IFT57: variants seen among roughly 807,000 people sequenced by gnomAD.
IFT57 encodes intraflagellar transport 57.
A neutral mutation model predicts 56.8 loss-of-function variants in IFT57; 59 were observed. The observed-to-expected ratio is 1.04, with a 90% CI of 0.84 to 1.29. IFT57 has a LOEUF of 1.29. Among genes scored for constraint, IFT57 ranks in the 50% most tolerant of loss-of-function variants. The pLI, the probability that IFT57 is intolerant of heterozygous loss-of-function variation, is 0.00. For synonymous variants in IFT57, 209 were observed against 186.1 expected (o/e 1.12, Z -1.00); for missense variants, 470 against 522.1 (o/e 0.90, Z 0.97).
intron 5 of IFT57, among the ~76,000 whole-genome samples, chr3:108,192,571 T>A (rs57162358): frequency 6.6e-6 from 1 of 152,136 alleles, no homozygotes; most frequent in South Asian, 2.1e-4. Flanking sequence ...AGATAAAATC[T>A]AAGGCAGTAA....
chr3:108,173,369 C>T (rs1488908350), intron 6 of IFT57, among the ~76,000 whole-genome samples: 1 of 151,738 alleles, frequency 6.6e-6, no homozygotes, highest in Non-Finnish European at 1.5e-5. Flanking sequence ...TGGTCTAGTT[C>T]TCAAGTTGGG....
At chr3:108,218,719 G>A in intron 2 of IFT57, 66 bp from the exon 3 acceptor site, 1 of 694,492 alleles carries the variant, frequency 1.4e-6, no homozygotes, top group Non-Finnish European at 2.4e-6. Context: ...AATATTTTAA[G>A]CAAAGAACTG....
chr3:108,192,520 T>C (rs1325122505), intron 5 of IFT57, among the ~76,000 whole-genome samples: 1 of 152,088 alleles, frequency 6.6e-6, no homozygotes. Context: ...ATTAAGTATG[T>C]ATGGATCTGA....
chr3:108,214,998 T>G (rs917254085), intron 3 of IFT57, among the ~76,000 whole-genome samples: 1 of 152,168 alleles, frequency 6.6e-6, no homozygotes, highest in Admixed American at 6.5e-5. Flanking sequence ...TTTTAATACT[T>G]CTATAGTTTT....
intron 6 of IFT57, among the ~76,000 whole-genome samples, chr3:108,184,345 T>C (rs1194078363): frequency 1.3e-5 from 2 of 152,116 alleles, no homozygotes; most frequent in Admixed American, 1.3e-4. Context: ...TATGCGGATT[T>C]TTTTCAATAA....
intron 3 of IFT57, 81 bp from the exon 4 acceptor site, chr3:108,214,102 T>A: frequency 1.3e-6 from 1 of 753,144 alleles, no homozygotes; most frequent in Non-Finnish European, 2.2e-6. Context: ...TATCATGTCC[T>A]CTATGCCAGG....
At chr3:108,215,046 A>G (rs2080363626) in intron 3 of IFT57, among the ~76,000 whole-genome samples, 1 of 152,144 alleles carries the variant, frequency 6.6e-6, no homozygotes, top group Non-Finnish European at 1.5e-5. Context: ...TCTGAAGTTT[A>G]TTTTAACATA....
intron 3 of IFT57, among the ~76,000 whole-genome samples, chr3:108,215,387 C>T (rs1002658033): frequency 6.6e-6 from 1 of 151,842 alleles, no homozygotes; most frequent in African/African-American, 2.4e-5. Flanking sequence ...CATGGTGAAA[C>T]CCTGTCTTGA....
chr3:108,178,661 G>A (rs891419664), intron 6 of IFT57, among the ~76,000 whole-genome samples: 7 of 151,692 alleles, frequency 4.6e-5, no homozygotes, highest in South Asian at 2.1e-4. Context: ...TAAGTCAACC[G>A]GGAAATGCAA....
chr3:108,214,486 G>C (rs372551218), intron 3 of IFT57, among the ~76,000 whole-genome samples: 14 of 152,166 alleles, frequency 9.2e-5, no homozygotes, highest in African/African-American at 2.9e-4. Flanking sequence ...TGAAATGGCA[G>C]GGTAAACAAC....
At chr3:108,169,347 T>A (rs1175187225) in intron 6 of IFT57, among the ~76,000 whole-genome samples, 1 of 151,914 alleles carries the variant, frequency 6.6e-6, no homozygotes, top group Admixed American at 6.6e-5. Context: ...TTTTTTTTTC[T>A]TGTAATTTGT....
rs184240991 is a variant in IFT57 at position 108,216,852 on chromosome 3, A to T, written c.494+1683T>A. Among the ~76,000 whole-genome samples the T allele has an allele frequency of 3.3e-5, 5 of 152,220 alleles. No homozygotes were observed. In the South Asian group the frequency reaches 1.0e-3, roughly 31 times the overall value. Reference sequence around the variant, plus strand: ...TATAAGCATGGAGGACACTATGTCAAGTGAAATAAGCCAGGCACAGAAAGA... The same window carrying T: ...TATAAGCATGGAGGACACTATGTCATGTGAAATAAGCCAGGCACAGAAAGA... On this transcript the variant is annotated intron_variant, in intron 3 of 10. Transcript: ENST00000264538.
At chr3:108,194,043 C>G (rs376499176) in intron 5 of IFT57, among the ~76,000 whole-genome samples, 1 of 152,270 alleles carries the variant, frequency 6.6e-6, no homozygotes, top group East Asian at 1.9e-4. Flanking sequence ...TATGGGCAAT[C>G]CCAATCCTGC....
chr3:108,192,442 T>C (rs1023636145), intron 5 of IFT57, among the ~76,000 whole-genome samples: 6 of 152,106 alleles, frequency 3.9e-5, no homozygotes, highest in African/African-American at 1.4e-4. Flanking sequence ...AAATCAATCA[T>C]GATTGTTTCT....
intron 7 of IFT57, 68 bp from the exon 8 acceptor site, chr3:108,167,053 G>A: frequency 7.1e-7 from 1 of 1,405,346 alleles, no homozygotes; most frequent in Admixed American, 2.0e-5. Context: ...TATTAAAAAT[G>A]GGTTACATCT....
In IFT57 at chr3:108,161,340, G is replaced by T. The variant is rs755061253; in HGVS notation, c.*1137C>A. 6.6e-6 allele frequency: 1 copy of T among 151,746 alleles called. No individual in the cohort carries two copies. The highest frequency in any genetic ancestry group is 2.4e-5 in the African/African-American group (1 of 41,304). The allele number at this position is 151,746 out of a possible 1,614,324, so 9.4% of individuals were successfully genotyped here. ...TAAACTTATCTTAAACTAAAGAGAG[G>T]TCTAGTAAGGAAAGGGAAAGATCTG... is the stretch of plus-strand genomic sequence containing the variant. On this transcript the variant is annotated 3_prime_UTR_variant, in exon 11 of 11. Transcript: ENST00000264538.
chr3:108,187,954 T>A (rs972851543), intron 6 of IFT57, among the ~76,000 whole-genome samples: 6 of 152,028 alleles, frequency 3.9e-5, no homozygotes, highest in Admixed American at 1.3e-4. Context: ...TTTTTTTTTT[T>A]ATACTTTAAG....
intron 6 of IFT57, among the ~76,000 whole-genome samples, chr3:108,189,254 A>G (rs146527831): frequency 5.3e-5 from 8 of 152,298 alleles, no homozygotes; most frequent in Admixed American, 5.2e-4. Context: ...GGACTACAGG[A>G]TTTGTCCACT....
intron 6 of IFT57, among the ~76,000 whole-genome samples, 171 bp from the exon 7 acceptor site, chr3:108,168,035 T>A (rs1468696178): frequency 6.6e-6 from 1 of 152,008 alleles, no homozygotes; most frequent in Non-Finnish European, 1.5e-5. Flanking sequence ...TAGAGCACTT[T>A]AGGATAAAAG....
Sources: gnomAD v4.1 joint callset for allele counts (sites outside exome capture counted in the v4.1 genomes callset) on GRCh38, gnomAD v4.1.1 for gene constraint, MANE v1.5 for transcripts, NCBI Gene and HGNC (gene_info 2026-07-23, HGNC 2026-07-21) for gene names.